SPTBN4: variants seen among roughly 807,000 people sequenced by gnomAD.
SPTBN4 encodes the protein spectrin beta, non-erythrocytic 4, also known as spectrin beta chain, non-erythrocytic 4.
In SPTBN4, 96 loss-of-function variants were observed where a neutral mutation model predicts 277.8. The ratio of observed to expected loss-of-function variants is 0.35; its 90% CI spans 0.29 to 0.41. SPTBN4 has a LOEUF of 0.41. Among genes scored for constraint, SPTBN4 ranks in the 10% least tolerant of loss-of-function variants. The probability of loss-of-function intolerance (pLI) is 1.00; values close to 1 mark genes in which losing one functional copy is unlikely to be tolerated. For missense variants in SPTBN4, 3,006 were observed against 3,595.7 expected (o/e 0.84, Z 4.19); for synonymous variants, 1,481 against 1,580.3 (o/e 0.94, Z 1.49).
rs374985344 is a variant in SPTBN4 at position 40,554,581 on chromosome 19, C to T, written c.5019C>T (p.Tyr1673=). 1.9e-6 allele frequency: 3 copies of T among 1,541,322 alleles called. No individual in the cohort carries two copies. In the African/African-American group the frequency reaches 4.1e-5, roughly 21 times the overall value. Residue 1673 remains tyrosine, a synonymous_variant, in exon 24 of 36, where the codon TAC becomes TAT. Coordinates refer to ENST00000598249, the MANE Select transcript of SPTBN4 (RefSeq NM_020971.3). The surrounding 1 kb of genome is among the most constrained non-coding windows in gnomAD (Gnocchi z 5.7). ...HLQLEQGVEN[Y]EESIAQLSRQ... The stretch of plus-strand genomic sequence containing the variant: ...AGCTGGAGCAAGGCGTGGAGAACTA[C>T]GAGGAAAGCATCGCGCAGCTGTCGC...
intron 11 of SPTBN4, 109 bp downstream of exon 11, chr19:40,503,042 T>C: frequency 1.5e-6 from 2 of 1,341,138 alleles, no homozygotes; most frequent in Non-Finnish European, 2.0e-6. Context: ...AAGAGTTAGA[T>C]TAGTCTCCTG....
rs1280892516 is a variant in SPTBN4, at chr19:40,519,667, C to T, written c.3170C>T (p.Ala1057Val). 3 of 1,391,176 alleles carry T rather than the reference C, an allele frequency of 2.2e-6. No individual in the cohort carries two copies. Among genetic ancestry groups the T allele is most frequent in the Non-Finnish European group, 9.2e-7 (1 of 1,083,790 alleles). 86.2% of individuals were successfully genotyped at this position (1,391,176 alleles called of 1,614,324 possible). ...LLAERFPAQA[A>V]RLHQGAEELG... The stretch of plus-strand genomic sequence containing the variant: ...GCTGAGCGCTTCCCGGCGCAGGCGG[C>T]GCGGCTGCACCAGGGCGCGGAGGAG... The change falls in exon 16 of 36, where the codon GCG becomes GTG. Residue 1057 changes from alanine to valine, a missense_variant. Ala to Val is a moderately conservative substitution (Grantham distance 64). Around this residue, in one of 5 missense-constraint regions of SPTBN4, gnomAD observed 1,759 missense variants for 2,061.5 expected, o/e 0.85. Coordinates refer to ENST00000598249, the MANE Select transcript of SPTBN4 (RefSeq NM_020971.3). This position sits in a 1 kb window ranked among gnomAD's most constrained non-coding sequence, Gnocchi z 5.7.
intron 21 of SPTBN4, 35 bp downstream of exon 21, chr19:40,549,448 G>A (rs2080893657): frequency 5.5e-6 from 7 of 1,277,898 alleles, no homozygotes; most frequent in Middle Eastern, 2.8e-4. Context: ...GCGGGGCGGG[G>A]CGGGGCGGTG....
intron 3 of SPTBN4, among the ~76,000 whole-genome samples, chr19:40,489,427 C>G (rs1268365458): frequency 6.6e-6 from 1 of 151,838 alleles, no homozygotes; most frequent in Non-Finnish European, 1.5e-5. Flanking sequence ...GCTCCCTCAC[C>G]CAGGCTGGAG....
intron 12 of SPTBN4, among the ~76,000 whole-genome samples, chr19:40,504,655 C>T (rs1290149931): frequency 4.7e-5 from 7 of 148,462 alleles, no homozygotes; most frequent in Non-Finnish European, 8.9e-5. Flanking sequence ...GGCGACAGAG[C>T]GAGACTCCGT....
At chr19:40,530,603 C>A (rs2080655194) in intron 18 of SPTBN4, 1 of 977,744 alleles carries the variant, frequency 1.0e-6, no homozygotes, top group Admixed American at 6.3e-5. Flanking sequence ...CTCGGGGGCG[C>A]CCAGGGGAGG....
chr19:40,560,241 A>G lies in SPTBN4; in HGVS notation c.5753A>G (p.Gln1918Arg), dbSNP rs752956047. 1 of 1,612,816 alleles carries G rather than the reference A, an allele frequency of 6.2e-7. No individual in the cohort carries two copies. Among genetic ancestry groups the G allele is most frequent in the South Asian group, 1.1e-5 (1 of 91,090 alleles). Residue 1918 changes from glutamine to arginine, a missense_variant, in exon 27 of 36, where the codon CAG (glutamine) becomes CGG (arginine). By Grantham distance (43) the Gln-to-Arg change is conservative (BLOSUM62 1). Coordinates refer to ENST00000598249, the MANE Select transcript of SPTBN4 (RefSeq NM_020971.3). This position sits in a 1 kb window ranked among gnomAD's most constrained non-coding sequence, Gnocchi z 5.2. ...EHAEAIASRE[Q>R]EVLQGWKELL... is the part of the protein sequence containing the mutation. ...GCCGAGGCCATCGCTAGCCGGGAGCAGGAGGTGCTGCAGGGTTGGAAAGAG... is the reference window on the plus strand; with the variant it reads ...GCCGAGGCCATCGCTAGCCGGGAGCGGGAGGTGCTGCAGGGTTGGAAAGAG...
intron 17 of SPTBN4, among the ~76,000 whole-genome samples, chr19:40,528,004 C>G (rs1022182350): frequency 6.9e-6 from 1 of 145,192 alleles, no homozygotes; most frequent in Non-Finnish European, 1.5e-5. Context: ...TGTAGTGAGC[C>G]GAGATCACGC....
At chr19:40,561,745 C>T (rs2081044321) in intron 27 of SPTBN4, among the ~76,000 whole-genome samples, 1 of 151,544 alleles carries the variant, frequency 6.6e-6, no homozygotes, top group South Asian at 2.1e-4. Context: ...TCGCTTGAAC[C>T]CGGGAGGTGG....
intron 7 of SPTBN4, among the ~76,000 whole-genome samples, chr19:40,500,141 C>T (rs1394528057): frequency 5.4e-5 from 8 of 148,672 alleles, no homozygotes; most frequent in Admixed American, 2.0e-4. Flanking sequence ...CCCAGGAGTT[C>T]GAGGCTGCAG....
intron 27 of SPTBN4, among the ~76,000 whole-genome samples, chr19:40,561,303 G>A (rs745763574): frequency 6.6e-6 from 1 of 151,908 alleles, no homozygotes; most frequent in Non-Finnish European, 1.5e-5. Flanking sequence ...ATAAGCCACC[G>A]TGCCTGACCT....
intron 22 of SPTBN4, 89 bp downstream of exon 22, chr19:40,550,416 T>A (rs540852072): frequency 1.6e-6 from 2 of 1,229,688 alleles, no homozygotes; most frequent in Non-Finnish European, 1.2e-6. Flanking sequence ...AAACAATGAA[T>A]GTATTGGCTT....
chr19:40,514,429 C>A (rs967928318), intron 14 of SPTBN4, among the ~76,000 whole-genome samples: 1 of 152,204 alleles, frequency 6.6e-6, no homozygotes, highest in East Asian at 1.9e-4. Context: ...GGCTGGGGAC[C>A]CAGATGGAGC....
chr19:40,476,413 A>C (rs1288094274), intron 2 of SPTBN4, among the ~76,000 whole-genome samples: 3 of 152,082 alleles, frequency 2.0e-5, no homozygotes, highest in Non-Finnish European at 4.4e-5. Flanking sequence ...ACCAGATTCA[A>C]CTGGTGGATT....
At chr19:40,534,025 C>T in intron 19 of SPTBN4, 55 bp from the exon 20 acceptor site, 2 of 1,530,542 alleles carry the variant, frequency 1.3e-6, no homozygotes, top group South Asian at 1.3e-5. Flanking sequence ...TTCTCTGATT[C>T]TCCCCACCAT....
At chr19:40,569,569 A>G in intron 31 of SPTBN4, 88 bp from the exon 32 acceptor site, 1 of 1,363,622 alleles carries the variant, frequency 7.3e-7, no homozygotes, top group Non-Finnish European at 1.0e-6. Flanking sequence ...CTTCCAGCTA[A>G]GAAGTGGAGG....
intron 2 of SPTBN4, among the ~76,000 whole-genome samples, chr19:40,477,121 C>T (rs990856528): frequency 2.6e-5 from 4 of 151,656 alleles, no homozygotes; most frequent in African/African-American, 9.7e-5. Flanking sequence ...CTCACTACAA[C>T]CTCCAACTCC....
chr19:40,510,468 C>T lies in SPTBN4; in HGVS notation c.1817-2138C>T, dbSNP rs147177278. ...TACAGGTGCACGCCACCATGCCCAGCTAATTTTTGTATTTTTGGTAGAGAT... is the reference window on the plus strand; with the variant it reads ...TACAGGTGCACGCCACCATGCCCAGTTAATTTTTGTATTTTTGGTAGAGAT... On this transcript the variant is annotated intron_variant, in intron 13 of 35. Transcript: ENST00000598249. Among the ~76,000 whole-genome samples, 265 of 152,158 alleles carry T rather than the reference C, an allele frequency of 1.7e-3. 2 individuals are homozygous for T. The highest frequency in any genetic ancestry group is 6.0e-3 in the African/African-American group (249 of 41,526).
At chr19:40,489,388 TTTTG>T (rs999058935) in intron 3 of SPTBN4, among the ~76,000 whole-genome samples, 3 of 151,434 alleles carry the variant, frequency 2.0e-5, no homozygotes, top group East Asian at 3.9e-4. Flanking sequence ...GACGCGGAGT[TTTTG>T]TTTGTTTGTT....
Sources: allele counts gnomAD v4.1 joint callset (sites outside exome capture counted in the v4.1 genomes callset), GRCh38; gene constraint gnomAD v4.1.1; regional missense constraint gnomAD v4.1.1; non-coding constraint Gnocchi (gnomAD v3.1); transcripts MANE v1.5; gene names NCBI Gene and HGNC (gene_info 2026-07-23, HGNC 2026-07-21).